Variants in DMD observed in about 807,000 individuals in gnomAD.
DMD encodes the protein dystrophin.
A neutral mutation model predicts 330.1 loss-of-function variants in DMD; 63 were observed. The ratio of observed to expected loss-of-function variants is 0.19; its 90% CI spans 0.16 to 0.24. DMD has a LOEUF of 0.24. Ranked by LOEUF, DMD falls within the 10% of genes least tolerant of loss-of-function variation. The pLI, the probability that DMD is intolerant of heterozygous loss-of-function variation, is 1.00. For synonymous variants in DMD, 1,223 were observed against 959.8 expected, an observed-to-expected ratio of 1.27 and a Z score of -5.07; for missense variants, 3,344 against 2,684.1, an observed-to-expected ratio of 1.25 and a Z score of -5.43.
intron 51 of DMD, among the ~76,000 whole-genome samples, chrX:31,732,241 A>G (rs1259442680): frequency 1.8e-5 from 2 of 111,746 alleles, no homozygotes; most frequent in Non-Finnish European, 3.8e-5. Context: ...AACACATACA[A>G]ACATTCATTT....
chrX:32,497,556 G>A (rs2043622422), intron 19 of DMD, among the ~76,000 whole-genome samples: 1 of 111,815 alleles, frequency 8.9e-6, no homozygotes, highest in East Asian at 2.8e-4. Flanking sequence ...CCTGAGCTAC[G>A]CCTACATATG....
chrX:32,856,231 A>C lies in DMD; in HGVS notation c.94-6411T>G, dbSNP rs185168643. On this transcript the variant is annotated intron_variant, in intron 2 of 78. Coordinates refer to ENST00000357033, the MANE Select transcript of DMD (RefSeq NM_004006.3). Reference sequence around the variant, plus strand: ...GTTGGGGATGTAAAGTAGTAGAACCACTGTGAAGAACTGTTTGAGGTTCTT... The same window carrying C: ...GTTGGGGATGTAAAGTAGTAGAACCCCTGTGAAGAACTGTTTGAGGTTCTT... Among the ~76,000 whole-genome samples the C allele has an allele frequency of 3.8e-3, 428 of 111,940 alleles. 2 individuals carry two copies. Among genetic ancestry groups the C allele is most frequent in the Admixed American group, 6.1e-3 (65 of 10,576 alleles).
chrX:31,734,097 C>T (rs1010235157), intron 51 of DMD, among the ~76,000 whole-genome samples: 1 of 110,940 alleles, frequency 9.0e-6, no homozygotes, highest in African/African-American at 3.3e-5. Context: ...TAAAGAACTC[C>T]CAGGTAACCC....
intron 1 of DMD, among the ~76,000 whole-genome samples, chrX:33,076,416 G>A (rs1259568174): frequency 9.0e-6 from 1 of 111,248 alleles, no homozygotes; most frequent in African/African-American, 3.3e-5. Context: ...GGCAATTGCA[G>A]TATGTATGTA....
chrX:31,679,846 C>A (rs2082278454), intron 52 of DMD, among the ~76,000 whole-genome samples: 1 of 111,914 alleles, frequency 8.9e-6, no homozygotes, highest in Non-Finnish European at 1.9e-5. Context: ...ATCCCTAGAA[C>A]CAAATATGAA....
chrX:31,795,531 T>C (rs1347861503), intron 50 of DMD, among the ~76,000 whole-genome samples: 1 of 111,842 alleles, frequency 8.9e-6, no homozygotes, highest in African/African-American at 3.2e-5. Flanking sequence ...AAGAAAGTCA[T>C]AGAGAAAGAG....
At chrX:32,520,626 T>G (rs941956135) in intron 17 of DMD, among the ~76,000 whole-genome samples, 1 of 111,684 alleles carries the variant, frequency 9.0e-6, no homozygotes, top group African/African-American at 3.3e-5. Flanking sequence ...CCTGCATGAT[T>G]GAGCCCCAGT....
At chrX:33,154,801 C>A (rs1207551641) in intron 1 of DMD, among the ~76,000 whole-genome samples, 16 of 111,793 alleles carry the variant, frequency 1.4e-4, no homozygotes, top group Non-Finnish European at 5.6e-5. Flanking sequence ...AAGGCAAGCC[C>A]ATTTTACAAT....
At chrX:33,180,397 A>C (rs2049926951) in intron 1 of DMD, among the ~76,000 whole-genome samples, 1 of 111,811 alleles carries the variant, frequency 8.9e-6, no homozygotes. Context: ...CAGGAAGCAC[A>C]ATACTTGTAT....
At chrX:32,554,340 A>T (rs1273014278) in intron 16 of DMD, among the ~76,000 whole-genome samples, 1 of 111,376 alleles carries the variant, frequency 9.0e-6, no homozygotes, top group Non-Finnish European at 1.9e-5. Flanking sequence ...TTTTTGGAAA[A>T]AAATAAAAAT....
intron 62 of DMD, among the ~76,000 whole-genome samples, chrX:31,304,384 A>G (rs2054871819): frequency 9.0e-6 from 1 of 111,230 alleles, no homozygotes; most frequent in African/African-American, 3.3e-5. Flanking sequence ...ATTACAGGCC[A>G]ATTCAAGAAA....
chrX:32,493,373 C>T (rs1349108117), intron 19 of DMD, among the ~76,000 whole-genome samples: 1 of 111,331 alleles, frequency 9.0e-6, no homozygotes, highest in Non-Finnish European at 1.9e-5. Flanking sequence ...TCCTTCTTCC[C>T]TGATATATTT....
intron 48 of DMD, among the ~76,000 whole-genome samples, chrX:31,862,757 G>T (rs764504367): frequency 7.2e-5 from 8 of 111,753 alleles, no homozygotes; most frequent in Admixed American, 1.9e-4. Flanking sequence ...TTCTCTCCCG[G>T]GCCTGAAAGC....
rs144794466 is a variant in DMD at position 31,399,768 on chromosome X, G to T, written c.9084+44713C>A. On this transcript the variant is annotated intron_variant, in intron 60 of 78. Transcript: ENST00000357033. ...AAGATGGATAAAAGTCTGGGGACAGGGAGGCTAATCATTAGAAGGCCAAAT... is the reference window on the plus strand; with the variant it reads ...AAGATGGATAAAAGTCTGGGGACAGTGAGGCTAATCATTAGAAGGCCAAAT... Among the ~76,000 whole-genome samples, 237 of 111,734 alleles carry T rather than the reference G, an allele frequency of 2.1e-3. 1 individual carries two copies. The highest frequency in any genetic ancestry group is 0.016 in the East Asian group (55 of 3,545).
intron 41 of DMD, among the ~76,000 whole-genome samples, chrX:32,338,705 C>T (rs1381178689): frequency 9.0e-6 from 1 of 110,896 alleles, no homozygotes; most frequent in African/African-American, 3.3e-5. Context: ...TTTCACATGA[C>T]CCTTGGGGGT....
chrX:31,863,718 C>G (rs1172200182), intron 48 of DMD, among the ~76,000 whole-genome samples: 2 of 111,350 alleles, frequency 1.8e-5, no homozygotes, highest in African/African-American at 6.5e-5. Context: ...AAATACTACT[C>G]AATCTAGAGA....
chrX:31,634,608 A>G (rs1194980848), intron 54 of DMD, among the ~76,000 whole-genome samples: 5 of 111,652 alleles, frequency 4.5e-5, no homozygotes, highest in Non-Finnish European at 7.5e-5. Flanking sequence ...GAGTATAGGC[A>G]TTATCAATCA....
chrX:33,007,545 T>C (rs1316671074), intron 2 of DMD, among the ~76,000 whole-genome samples: 1 of 111,669 alleles, frequency 9.0e-6, no homozygotes, highest in Non-Finnish European at 1.9e-5. Flanking sequence ...TCTGAAATTC[T>C]ATATTCTACT....
At chrX:33,263,512 T>C (rs2052994356) in intron 1 of DMD, among the ~76,000 whole-genome samples, 1 of 108,884 alleles carries the variant, frequency 9.2e-6, no homozygotes, top group Non-Finnish European at 1.9e-5. Flanking sequence ...TTCTTAGTTT[T>C]GAGCTATGGA....
Sources: allele counts gnomAD v4.1 joint callset (sites outside exome capture counted in the v4.1 genomes callset), GRCh38; gene constraint gnomAD v4.1.1; transcripts MANE v1.5; gene names NCBI Gene and HGNC (gene_info 2026-07-23, HGNC 2026-07-21).